Variants in BBS9 observed in about 807,000 individuals in gnomAD.
The protein encoded by BBS9 is protein PTHB1.
Under a neutral mutation model 117.7 loss-of-function variants are expected in BBS9, and 89 were observed. That is an observed-to-expected ratio of 0.76 (90% CI 0.64 to 0.90). The LOEUF (loss-of-function observed/expected upper bound fraction) is 0.90, where lower values mean the gene tolerates loss of function less well. Among genes scored for constraint, BBS9 ranks in the 40% least tolerant of loss-of-function variants. The pLI, the probability that BBS9 is intolerant of heterozygous loss-of-function variation, is 0.00. For missense variants in BBS9, 982 were observed against 1,042.2 expected, an observed-to-expected ratio of 0.94 and a Z score of 0.80; for synonymous variants, 379 against 370.9, an observed-to-expected ratio of 1.02 and a Z score of -0.25.
At chr7:33,396,902 A>G (rs1234740803) in intron 19 of BBS9, among the ~76,000 whole-genome samples, 1 of 152,208 alleles carries the variant, frequency 6.6e-6, no homozygotes, top group East Asian at 1.9e-4. Context: ...AATCAGTGGG[A>G]AAGAATTCCC....
At chr7:33,619,862 G>C (rs537238513) in intron 21 of BBS9, among the ~76,000 whole-genome samples, 1 of 152,086 alleles carries the variant, frequency 6.6e-6, no homozygotes, top group African/African-American at 2.4e-5. Flanking sequence ...AGTTCTAAGA[G>C]GAAAGTTTAT....
At chr7:33,522,585 G>C (rs1199319422) in intron 20 of BBS9, among the ~76,000 whole-genome samples, 1 of 152,118 alleles carries the variant, frequency 6.6e-6, no homozygotes, top group Non-Finnish European at 1.5e-5. Flanking sequence ...CCCACTTTTT[G>C]ATGGGGTTGT....
In BBS9 at chr7:33,227,142, T is replaced by G. The variant is rs182272611; in HGVS notation, c.443-30094T>G. Among the ~76,000 whole-genome samples, 9 of 151,958 alleles carry G rather than the reference T, an allele frequency of 5.9e-5. No homozygotes were observed. In the East Asian group the frequency reaches 1.5e-3, roughly 26 times the overall value. On this transcript the variant is annotated intron_variant, in intron 5 of 22. Coordinates refer to ENST00000242067, the MANE Select transcript of BBS9 (RefSeq NM_198428.3). ...AATGATAATATATTATGTAATTTGT[T>G]TAGGGACCTTACAGCCATCAATTTT...
At position 33,302,942 on chromosome 7, in the gene BBS9, T is replaced by G. The variant is rs566619846; in HGVS notation, c.1016+28986T>G. On this transcript the variant is annotated intron_variant, in intron 9 of 22. Transcript: ENST00000242067. The stretch of plus-strand genomic sequence containing the variant: ...AACATTTTTCCATTTTCTCTTAAAT[T>G]TCTTGCATCAATGTTTTATAGTTTT... Among the ~76,000 whole-genome samples, 6 of 152,336 alleles carry G rather than the reference T, an allele frequency of 3.9e-5. No individual in the cohort carries two copies. In the South Asian group the frequency reaches 1.0e-3, roughly 26 times the overall value.
At chr7:33,232,184 G>T (rs1792585971) in intron 5 of BBS9, among the ~76,000 whole-genome samples, 1 of 151,972 alleles carries the variant, frequency 6.6e-6, no homozygotes, top group Admixed American at 6.6e-5. Flanking sequence ...TTTATTTTGA[G>T]GAAGTGACTA....
intron 19 of BBS9, among the ~76,000 whole-genome samples, chr7:33,467,878 G>A (rs1230993916): frequency 1.3e-5 from 2 of 152,112 alleles, no homozygotes; most frequent in East Asian, 3.9e-4. Flanking sequence ...CAAGTGATAA[G>A]AGAAATCAAC....
At chr7:33,245,180 A>G (rs943483890) in intron 5 of BBS9, among the ~76,000 whole-genome samples, 1 of 151,652 alleles carries the variant, frequency 6.6e-6, no homozygotes, top group African/African-American at 2.4e-5. Flanking sequence ...TGGTTGAATG[A>G]TTTTTCTCCT....
chr7:33,283,594 T>C (rs1393456004), intron 9 of BBS9, among the ~76,000 whole-genome samples: 2 of 152,328 alleles, frequency 1.3e-5, no homozygotes, highest in East Asian at 3.9e-4. Flanking sequence ...GTTTCTTTTA[T>C]TTCACTGATA....
chr7:33,242,561 T>G (rs1437024766), intron 5 of BBS9, among the ~76,000 whole-genome samples: 5 of 152,154 alleles, frequency 3.3e-5, no homozygotes, highest in African/African-American at 2.4e-5. Context: ...AGCATATTGA[T>G]GTACTTAAAA....
chr7:33,425,602 T>C (rs1473493918), intron 19 of BBS9, among the ~76,000 whole-genome samples: 1 of 152,050 alleles, frequency 6.6e-6, no homozygotes, highest in Non-Finnish European at 1.5e-5. Flanking sequence ...TCTAGTCAGG[T>C]GATGGATGCT....
chr7:33,512,165 A>G (rs561878318), intron 20 of BBS9, among the ~76,000 whole-genome samples: 4 of 152,324 alleles, frequency 2.6e-5, no homozygotes, highest in East Asian at 1.9e-4. Context: ...AACTGATATT[A>G]CTTAATTGTA....
chr7:33,585,840 C>T (rs929459765), intron 21 of BBS9, among the ~76,000 whole-genome samples: 1 of 151,842 alleles, frequency 6.6e-6, no homozygotes, highest in Non-Finnish European at 1.5e-5. Context: ...CAATTTCTGC[C>T]TTCTGTGTTT....
chr7:33,267,768 A>T (rs1398884703), intron 7 of BBS9, among the ~76,000 whole-genome samples: 2 of 152,194 alleles, frequency 1.3e-5, no homozygotes, highest in African/African-American at 4.8e-5. Context: ...GACAAGAAAA[A>T]TATGTATTTA....
intron 21 of BBS9, 84 bp from the exon 22 acceptor site, chr7:33,604,781 G>A: frequency 2.3e-6 from 2 of 885,026 alleles, no homozygotes; most frequent in Non-Finnish European, 3.7e-6. Context: ...TTTATGATCA[G>A]TGTGTTCCTA....
At chr7:33,268,246 G>C (rs1799148690) in intron 7 of BBS9, among the ~76,000 whole-genome samples, 1 of 152,192 alleles carries the variant, frequency 6.6e-6, no homozygotes, top group South Asian at 2.1e-4. Flanking sequence ...TTGCCAGTAA[G>C]TACTCAGCTG....
At chr7:33,345,609 G>A (rs1017326897) in intron 12 of BBS9, among the ~76,000 whole-genome samples, 7 of 152,122 alleles carry the variant, frequency 4.6e-5, no homozygotes, top group African/African-American at 1.7e-4. Flanking sequence ...GGAAACAAGG[G>A]TGGTCTTTCC....
intron 21 of BBS9, among the ~76,000 whole-genome samples, chr7:33,592,128 A>C (rs1026434683): frequency 6.6e-6 from 1 of 152,090 alleles, no homozygotes; most frequent in Non-Finnish European, 1.5e-5. Flanking sequence ...AGAAAGTCAT[A>C]TATAAATTTA....
At chr7:33,491,345 G>A (rs920403230) in intron 19 of BBS9, among the ~76,000 whole-genome samples, 3 of 152,160 alleles carry the variant, frequency 2.0e-5, no homozygotes, top group African/African-American at 7.2e-5. Context: ...CCATTAAAGT[G>A]TTTATCAAAA....
rs141664480 is a variant in BBS9, at chr7:33,412,640, A to G, written c.2115+24496A>G. 9.8e-5 allele frequency among the ~76,000 whole-genome samples: 15 copies of G among 152,302 alleles called. No individual in the cohort carries two copies. In the East Asian group the frequency reaches 1.7e-3, roughly 18 times the overall value. ...TTTTGGGACTCCCAGTTTTGTCACT[A>G]TGGAATTTTTAAGATCCTTTTTTGC... is the stretch of plus-strand genomic sequence containing the variant. On this transcript the variant is annotated intron_variant, in intron 19 of 22. Transcript: ENST00000242067.
Sources: allele counts gnomAD v4.1 joint callset (sites outside exome capture counted in the v4.1 genomes callset), GRCh38; gene constraint gnomAD v4.1.1; transcripts MANE v1.5; gene names NCBI Gene and HGNC (gene_info 2026-07-23, HGNC 2026-07-21).